PATJ: variants seen among roughly 807,000 people sequenced by gnomAD.
PATJ encodes the protein PATJ crumbs cell polarity complex component.
In PATJ, 190 loss-of-function variants were observed where a neutral mutation model predicts 224.9. The observed-to-expected ratio is 0.84, with a 90% CI of 0.75 to 0.95. The LOEUF is 0.95. Among genes scored for constraint, PATJ ranks in the 40% least tolerant of loss-of-function variants. The probability of loss-of-function intolerance (pLI) is 0.00; values close to 1 mark genes in which losing one functional copy is unlikely to be tolerated. For missense variants in PATJ, 2,121 were observed against 2,270.3 expected (o/e 0.93, Z 1.34); for synonymous variants, 769 against 820.3 (o/e 0.94, Z 1.07).
chr1:62,131,990 A>G (rs1438881099), intron 41 of PATJ, among the ~76,000 whole-genome samples: 1 of 151,952 alleles, frequency 6.6e-6, no homozygotes, highest in Non-Finnish European at 1.5e-5. Context: ...CTGGGACTAC[A>G]AGCATGCACC....
Position 61,797,356 on chromosome 1 carries a change from G to C in PATJ, c.1330G>C (p.Val444Leu). ...VVEVLRNAGQ[V>L]VHLTLVRRKT... ...TGAAGTATTACGAAATGCAGGGCAG[G>C]TGGTACACCTAACCCTAGTTCGAAG... is the stretch of plus-strand genomic sequence containing the variant. The change falls in exon 11 of 44, where the codon GTG (valine) becomes CTG (leucine). Residue 444 changes from valine to leucine, a missense_variant. Physicochemically the swap from Val to Leu is conservative, Grantham distance 32. Coordinates refer to ENST00000642238, the MANE Select transcript of PATJ (RefSeq NM_001350145.3). The C allele has an allele frequency of 6.2e-7, 1 of 1,614,034 alleles. No homozygotes were observed. Among genetic ancestry groups the C allele is most frequent in the Non-Finnish European group, 8.5e-7 (1 of 1,179,892 alleles).
At chr1:61,841,606 T>TA in intron 17 of PATJ, among the ~76,000 whole-genome samples, 1 of 151,690 alleles carries the variant, frequency 6.6e-6, no homozygotes, top group African/African-American at 2.4e-5. Context: ...TTGCCTTTTT[T>TA]TTTTTTGGGA....
chr1:61,814,130 CTTTTTTTTTT>C (rs762502160), intron 14 of PATJ, among the ~76,000 whole-genome samples: 2 of 85,912 alleles, frequency 2.3e-5, no homozygotes, highest in Admixed American at 1.6e-4. Context: ...TTATTCTCTT[CTTTTTTTTTT>C]TTTTTTTTTT....
chr1:61,901,018 G>A (rs908913581), intron 23 of PATJ, among the ~76,000 whole-genome samples: 29 of 152,108 alleles, frequency 1.9e-4, no homozygotes, highest in Non-Finnish European at 2.9e-4. Flanking sequence ...GGGAATATTT[G>A]GGCTTAACTA....
chr1:62,056,280 T>C (rs1654516638), intron 31 of PATJ, among the ~76,000 whole-genome samples: 1 of 152,226 alleles, frequency 6.6e-6, no homozygotes, highest in African/African-American at 2.4e-5. Flanking sequence ...TTCTAAGCTC[T>C]TTAACACATG....
At chr1:61,932,901 C>A (rs1276648485) in intron 27 of PATJ, among the ~76,000 whole-genome samples, 1 of 151,776 alleles carries the variant, frequency 6.6e-6, no homozygotes, top group Non-Finnish European at 1.5e-5. Flanking sequence ...TCTGTCCGAC[C>A]CCCTCAAAAA....
At chr1:61,988,099 T>G (rs1157441665) in intron 27 of PATJ, among the ~76,000 whole-genome samples, 1 of 152,148 alleles carries the variant, frequency 6.6e-6, no homozygotes, top group East Asian at 1.9e-4. Flanking sequence ...CTCAGGAGGC[T>G]GAGGCACAAG....
At chr1:61,903,359 A>C (rs1571210025) in intron 24 of PATJ, among the ~76,000 whole-genome samples, 1 of 152,226 alleles carries the variant, frequency 6.6e-6, no homozygotes, top group East Asian at 1.9e-4. Context: ...AAAGCTTTTC[A>C]GCTTGAGGAA....
intron 28 of PATJ, among the ~76,000 whole-genome samples, chr1:62,000,768 G>A (rs890340027): frequency 1.3e-4 from 19 of 150,974 alleles, no homozygotes; most frequent in South Asian, 2.1e-4. Context: ...CTGAGGGATC[G>A]CCACACTGAC....
chr1:61,994,065 G>A (rs1000705237), intron 28 of PATJ, among the ~76,000 whole-genome samples: 1 of 151,978 alleles, frequency 6.6e-6, no homozygotes, highest in Non-Finnish European at 1.5e-5. Context: ...AAAAAATAAC[G>A]AATAAAAATA....
intron 11 of PATJ, among the ~76,000 whole-genome samples, chr1:61,800,183 T>G (rs1462325132): frequency 1.3e-5 from 2 of 152,228 alleles, no homozygotes; most frequent in Admixed American, 1.3e-4. Flanking sequence ...GTTTTCCACA[T>G]CGACAGAAGT....
intron 1 of PATJ, among the ~76,000 whole-genome samples, chr1:61,757,136 A>G (rs1436175687): frequency 1.3e-5 from 2 of 148,862 alleles, no homozygotes; most frequent in East Asian, 2.0e-4. Context: ...CAGTAGTGCA[A>G]TCATGGTTCA....
chr1:61,899,399 T>G (rs377737961), intron 22 of PATJ, among the ~76,000 whole-genome samples, 184 bp from the exon 23 acceptor site: 1 of 152,312 alleles, frequency 6.6e-6, no homozygotes, highest in East Asian at 1.9e-4. Context: ...TGGGGATTTG[T>G]TGAGTTGAAT....
At chr1:61,792,469 T>G (rs1242994289) in intron 9 of PATJ, among the ~76,000 whole-genome samples, 1 of 152,200 alleles carries the variant, frequency 6.6e-6, no homozygotes, top group African/African-American at 2.4e-5. Flanking sequence ...GAAAATTTAA[T>G]GTTTATATTA....
chr1:61,795,099 T>TAA (rs78496504), intron 9 of PATJ, among the ~76,000 whole-genome samples: 2,577 of 101,080 alleles, frequency 0.025, 65 homozygotes, highest in African/African-American at 0.06. Flanking sequence ...ATAGTGATGG[T>TAA]AAAAAAAAAA....
intron 27 of PATJ, among the ~76,000 whole-genome samples, chr1:61,940,108 G>T (rs1360354439): frequency 1.1e-4 from 16 of 152,048 alleles, no homozygotes; most frequent in Admixed American, 1.0e-3. Flanking sequence ...AATAGCAATT[G>T]TAGTAATATA....
At chr1:62,084,677 C>T (rs1659734356) in intron 33 of PATJ, 29 bp downstream of exon 33, 1 of 1,610,476 alleles carries the variant, frequency 6.2e-7, no homozygotes. Context: ...AATGTATCCA[C>T]TGTCATAGAA....
intron 7 of PATJ, among the ~76,000 whole-genome samples, chr1:61,777,724 T>TTTTTTTTTTTTTTTTTC (rs765662896): frequency 1.8e-3 from 195 of 106,006 alleles, no homozygotes; most frequent in East Asian, 3.5e-3. Context: ...TTTTTTTTTT[T>TTTTTTTTTTTTTTTTTC]TTTAGCATAG....
chr1:62,049,162 ATTC>A (rs1248973713), intron 30 of PATJ, among the ~76,000 whole-genome samples: 1 of 151,300 alleles, frequency 6.6e-6, no homozygotes, highest in African/African-American at 2.4e-5. Flanking sequence ...GTATGTGATA[ATTC>A]TTCTGTAATC....
Sources: gnomAD v4.1 joint callset for allele counts (sites outside exome capture counted in the v4.1 genomes callset) on GRCh38, gnomAD v4.1.1 for gene constraint, MANE v1.5 for transcripts, NCBI Gene and HGNC (gene_info 2026-07-23, HGNC 2026-07-21) for gene names.